Variants in NEDD9 observed in about 807,000 individuals in gnomAD.
The protein encoded by NEDD9 is neural precursor cell expressed, developmentally down-regulated 9.
Under a neutral mutation model 76.6 loss-of-function variants are expected in NEDD9, and 26 were observed. That is an observed-to-expected ratio of 0.34 (90% confidence interval 0.25 to 0.47). The LOEUF is 0.47. NEDD9 is among the 20% of genes least tolerant of loss of function. The pLI is 1.00. For missense variants in NEDD9, 937 were observed against 1,058.5 expected (o/e 0.89, Z 1.59); for synonymous variants, 392 against 414.2 (o/e 0.95, Z 0.65).
intron 1 of NEDD9, among the ~76,000 whole-genome samples, chr6:11,351,410 C>A (rs1264556791): frequency 6.6e-6 from 1 of 152,068 alleles, no homozygotes; most frequent in South Asian, 2.1e-4. Context: ...GGACATATTG[C>A]CCCTGAAAAT....
intron 1 of NEDD9, among the ~76,000 whole-genome samples, chr6:11,221,587 T>C (rs1170936446): frequency 6.6e-6 from 1 of 152,076 alleles, no homozygotes; most frequent in Admixed American, 6.5e-5. Flanking sequence ...AGAGCTAGCA[T>C]CTGGTTCACC....
Position 11,250,476 on chromosome 6 carries a change from G to A in NEDD9, c.13-36749C>T, listed in dbSNP as rs188899722. Among the ~76,000 whole-genome samples, 901 of 152,260 alleles carry A rather than the reference G, an allele frequency of 5.9e-3. 7 individuals are homozygous for A. The highest frequency in any genetic ancestry group is 6.1e-3 in the Non-Finnish European group (416 of 68,018). ...TCAAGTGTTCTTAACACACAGCAGG[G>A]GAGAGAGGCTGCTAACTGCCCAGAA... is the stretch of plus-strand genomic sequence containing the variant. On this transcript the variant is annotated intron_variant, in intron 3 of 3. Transcript: ENST00000397378.
intron 2 of NEDD9, among the ~76,000 whole-genome samples, chr6:11,201,677 G>A (rs1306204155): frequency 6.6e-6 from 1 of 150,984 alleles, no homozygotes; most frequent in Non-Finnish European, 1.5e-5. Flanking sequence ...GTCTATCTTT[G>A]TATGCATCAA....
At chr6:11,283,755 C>T (rs550842942) in intron 3 of NEDD9, among the ~76,000 whole-genome samples, 3 of 152,196 alleles carry the variant, frequency 2.0e-5, no homozygotes, top group Admixed American at 6.5e-5. Context: ...AAAGATAATT[C>T]GTATTTTTAT....
chr6:11,295,206 G>A (rs149672124), intron 3 of NEDD9, among the ~76,000 whole-genome samples: 130 of 152,218 alleles, frequency 8.5e-4, no homozygotes, highest in Middle Eastern at 3.4e-3. Flanking sequence ...GTACCTCTTG[G>A]CCATTTGTAT....
At chr6:11,288,641 G>T (rs1760698812) in intron 3 of NEDD9, among the ~76,000 whole-genome samples, 1 of 152,300 alleles carries the variant, frequency 6.6e-6, no homozygotes, top group Non-Finnish European at 1.5e-5. Context: ...ATCTAGAGGG[G>T]CTTTCAGACC....
At chr6:11,372,638 T>C (rs1762898003) in intron 1 of NEDD9, among the ~76,000 whole-genome samples, 1 of 152,228 alleles carries the variant, frequency 6.6e-6, no homozygotes, top group Non-Finnish European at 1.5e-5. Flanking sequence ...TTCCCTTTTC[T>C]TCACATCCTC....
chr6:11,245,284 G>T (rs1283201016), intron 3 of NEDD9, among the ~76,000 whole-genome samples: 8 of 152,156 alleles, frequency 5.3e-5, no homozygotes, highest in Admixed American at 2.0e-4. Context: ...GTGACCCAAA[G>T]GCGAAGCAGA....
At chr6:11,279,900 G>C (rs1760500128) in intron 3 of NEDD9, among the ~76,000 whole-genome samples, 1 of 152,148 alleles carries the variant, frequency 6.6e-6, no homozygotes, top group African/African-American at 2.4e-5. Context: ...TTCAGCATTA[G>C]CTCACCTTGA....
chr6:11,382,321 G>T (rs937275863), upstream of NEDD9: 19 of 152,244 alleles, frequency 1.2e-4, no homozygotes, highest in Admixed American at 9.2e-4. Context: ...AACCACACAC[G>T]TCGGATGTGA....
intron 3 of NEDD9, among the ~76,000 whole-genome samples, chr6:11,267,635 A>G (rs541692494): frequency 6.6e-6 from 1 of 152,304 alleles, no homozygotes; most frequent in South Asian, 2.1e-4. Context: ...GAACAAGGGT[A>G]TGGGCAATTC....
At chr6:11,312,710 ATT>A (rs1491058307) in intron 2 of NEDD9, among the ~76,000 whole-genome samples, 2 of 143,664 alleles carry the variant, frequency 1.4e-5, no homozygotes, top group Admixed American at 6.9e-5. Flanking sequence ...ATATATATAT[ATT>A]TTTAAAGAGT....
At chr6:11,224,189 A>G (rs991783066) in intron 1 of NEDD9, among the ~76,000 whole-genome samples, 17 of 152,218 alleles carry the variant, frequency 1.1e-4, no homozygotes, top group African/African-American at 4.1e-4. Context: ...AAAAAGAGCT[A>G]GGCACTGATA....
chr6:11,349,361 T>C (rs1762422542), intron 1 of NEDD9, among the ~76,000 whole-genome samples: 1 of 152,228 alleles, frequency 6.6e-6, no homozygotes, highest in Non-Finnish European at 1.5e-5. Context: ...AGCAGCGTGG[T>C]GATTTCTCAA....
At chr6:11,359,459 T>C (rs1762638041) in intron 1 of NEDD9, among the ~76,000 whole-genome samples, 1 of 152,242 alleles carries the variant, frequency 6.6e-6, no homozygotes, top group Non-Finnish European at 1.5e-5. Context: ...CAAATGCCTA[T>C]CTGTCCCTAT....
At chr6:11,305,886 G>T in intron 3 of NEDD9, 2 of 1,357,530 alleles carry the variant, frequency 1.5e-6, no homozygotes, top group Non-Finnish European at 1.1e-6. Flanking sequence ...TTGCAGGCCC[G>T]TATGACAAAA....
intron 3 of NEDD9, among the ~76,000 whole-genome samples, chr6:11,279,877 T>G (rs1760499626): frequency 6.6e-6 from 1 of 152,166 alleles, no homozygotes; most frequent in Admixed American, 6.5e-5. Flanking sequence ...TATCTTACCT[T>G]GAAAACACAG....
chr6:11,335,592 C>A (rs529250048), intron 1 of NEDD9, among the ~76,000 whole-genome samples: 1 of 152,320 alleles, frequency 6.6e-6, no homozygotes, highest in South Asian at 2.1e-4. Flanking sequence ...TCTCGCCAAC[C>A]GACTACCACT....
rs138233553 is a variant in NEDD9, at chr6:11,200,986, A to G, written c.460-7294T>C. ...GAGATCTTTTCAGTGGAGGTTCACA[A>G]GCTGGTTTGTTTAGAGGCTCTCACT... On this transcript the variant is annotated intron_variant, in intron 2 of 6. Coordinates refer to ENST00000379446, the MANE Select transcript of NEDD9 (RefSeq NM_006403.4). The G allele has an allele frequency of 1.1e-4, 174 of 1,614,234 alleles. No individual in the cohort carries two copies. In the African/African-American group the frequency reaches 2.1e-3, roughly 19 times the overall value.
Sources: allele counts gnomAD v4.1 joint callset (sites outside exome capture counted in the v4.1 genomes callset), GRCh38; gene constraint gnomAD v4.1.1; transcripts MANE v1.5; gene names NCBI Gene and HGNC (gene_info 2026-07-23, HGNC 2026-07-21).